Variants in NETO1 observed in about 807,000 individuals in gnomAD.
NETO1 encodes neuropilin and tolloid-like protein 1.
A neutral mutation model predicts 61.3 loss-of-function variants in NETO1; 26 were observed. The observed-to-expected ratio is 0.42, with a 90% CI of 0.31 to 0.59. The LOEUF (loss-of-function observed/expected upper bound fraction) is 0.59, where lower values mean the gene tolerates loss of function less well. Among genes scored for constraint, NETO1 ranks in the 20% least tolerant of loss-of-function variants. The pLI is 0.12. For synonymous variants in NETO1, 225 were observed against 225.8 expected (o/e 1.00, Z 0.03); for missense variants, 531 against 662.8 (o/e 0.80, Z 2.18).
At chr18:72,754,421 T>C (rs1000058084) in intron 8 of NETO1, among the ~76,000 whole-genome samples, 4 of 151,960 alleles carry the variant, frequency 2.6e-5, no homozygotes, top group Non-Finnish European at 5.9e-5. Flanking sequence ...GATACAAATA[T>C]AGACTGTCTA....
chr18:72,862,446 T>C (rs1490795674), intron 3 of NETO1, among the ~76,000 whole-genome samples: 1 of 152,186 alleles, frequency 6.6e-6, no homozygotes, highest in Non-Finnish European at 1.5e-5. Flanking sequence ...AGCATCTCCA[T>C]AAACACAAAC....
In NETO1 at chr18:72,783,266, T is replaced by G. The variant is rs531649723; in HGVS notation, c.868+412A>C. On this transcript the variant is annotated intron_variant, in intron 7 of 10. Coordinates refer to ENST00000327305, the MANE Select transcript of NETO1 (RefSeq NM_138966.5). The stretch of plus-strand genomic sequence containing the variant: ...TGGAACTCTGAAGTCAGAAACCTAT[T>G]TGAAATAAATGGGACTGCAAAAGAA... 2.6e-5 allele frequency among the ~76,000 whole-genome samples: 4 copies of G among 152,322 alleles called. No individual in the cohort carries two copies. The East Asian group carries it at 5.8e-4, about 22-fold the overall frequency.
chr18:72,843,280 A>G (rs184659393), intron 4 of NETO1, among the ~76,000 whole-genome samples: 1 of 152,300 alleles, frequency 6.6e-6, no homozygotes, highest in Admixed American at 6.5e-5. Flanking sequence ...ATCCTAGCAG[A>G]GAGAATCAAA....
chr18:72,863,848 T>C (rs1481426651), intron 3 of NETO1, among the ~76,000 whole-genome samples: 3 of 152,156 alleles, frequency 2.0e-5, no homozygotes, highest in Non-Finnish European at 2.9e-5. Context: ...TTTTAGGCTA[T>C]TTAGGTACTA....
intron 4 of NETO1, among the ~76,000 whole-genome samples, chr18:72,827,937 A>G (rs1379111675): frequency 6.6e-6 from 1 of 152,160 alleles, no homozygotes; most frequent in Non-Finnish European, 1.5e-5. Context: ...TTTTGGTCAG[A>G]TGTTATCTTT....
Position 72,830,336 on chromosome 18 carries a change from C to T in NETO1, c.469+28490G>A, listed in dbSNP as rs1039805459. ...GCCACACACTCAGCACCCTGGACAG[C>T]GTCCAAACCCCAGAAACGGGTTGGC... is the stretch of plus-strand genomic sequence containing the variant. On this transcript the variant is annotated intron_variant, in intron 4 of 10. Coordinates refer to ENST00000327305, the MANE Select transcript of NETO1 (RefSeq NM_138966.5). The surrounding 1 kb of genome is among the most constrained non-coding windows in gnomAD (Gnocchi z 4.9). 3.9e-5 allele frequency among the ~76,000 whole-genome samples: 6 copies of T among 152,074 alleles called. No individual in the cohort carries two copies. The highest frequency in any genetic ancestry group is 5.9e-5 in the Non-Finnish European group (4 of 68,018).
At position 72,827,090 on chromosome 18, in the gene NETO1, CT is replaced by C. The variant is rs75038247; in HGVS notation, c.469+31735del. On this transcript the variant is annotated intron_variant, in intron 4 of 10. Coordinates refer to ENST00000327305, the MANE Select transcript of NETO1 (RefSeq NM_138966.5). ...ACCGCCCAGCCATATTCAATGCTTTCTTTTTTTTTTTTTTCCAAATCCGTAA... is the reference window on the plus strand; with the variant it reads ...ACCGCCCAGCCATATTCAATGCTTTCTTTTTTTTTTTTTCCAAATCCGTAA... Among the ~76,000 whole-genome samples the C allele has an allele frequency of 1.4e-3, 197 of 142,718 alleles. 2 individuals carry two copies. The highest frequency in any genetic ancestry group is 3.6e-3 in the Middle Eastern group (1 of 274). 93.6% of individuals were successfully genotyped at this position (142,718 alleles called of 152,430 possible).
At chr18:72,763,198 A>G (rs550759305) in intron 7 of NETO1, among the ~76,000 whole-genome samples, 2 of 152,318 alleles carry the variant, frequency 1.3e-5, no homozygotes, top group South Asian at 4.1e-4. Context: ...ACATTGAAAT[A>G]AAAACAGGCA....
intron 4 of NETO1, among the ~76,000 whole-genome samples, chr18:72,829,420 A>C (rs536117421): frequency 6.7e-6 from 1 of 149,470 alleles, no homozygotes; most frequent in Non-Finnish European, 1.5e-5. Context: ...AATATACTCC[A>C]ATCAGTTATT....
Position 72,783,678 on chromosome 18 carries a change from G to T in NETO1, c.868C>A (p.Pro290Thr). The T allele has an allele frequency of 6.2e-7, 1 of 1,613,538 alleles. No individual in the cohort carries two copies. The highest frequency in any genetic ancestry group is 8.5e-7 in the Non-Finnish European group (1 of 1,179,474). The stretch of plus-strand genomic sequence containing the variant: ...AATAGTCAAGTGCAGAGAATCTTAC[G>T]TTCTTGAAAGGATGTGAAGAGCATC... The part of the protein sequence containing the change: ...FQMLFTSFQE[P>T]PCEGNTFFCH... Residue 290 changes from proline (P) to threonine (T), a missense_variant and splice_region_variant, in exon 7 of 11, where the codon CCT (proline) becomes ACT (threonine). Coordinates refer to ENST00000327305, the MANE Select transcript of NETO1 (RefSeq NM_138966.5).
intron 7 of NETO1, among the ~76,000 whole-genome samples, chr18:72,762,630 G>A (rs1404712037): frequency 1.3e-5 from 2 of 152,116 alleles, no homozygotes; most frequent in Non-Finnish European, 2.9e-5. Flanking sequence ...CAGGAAAATA[G>A]TTTTTACATA....
At chr18:72,865,775 G>A (rs2074716034) in intron 1 of NETO1, 2 of 1,300,586 alleles carry the variant, frequency 1.5e-6, no homozygotes, top group Admixed American at 5.2e-5. Context: ...GATTAATGTG[G>A]ATTGTGGGCA....
chr18:72,787,641 A>T (rs1007790452), intron 6 of NETO1, among the ~76,000 whole-genome samples: 1 of 152,214 alleles, frequency 6.6e-6, no homozygotes, highest in Non-Finnish European at 1.5e-5. Flanking sequence ...ATATCTCTCA[A>T]CAACAATAGA....
At chr18:72,797,005 C>G (rs2072338679) in intron 4 of NETO1, among the ~76,000 whole-genome samples, 2 of 152,126 alleles carry the variant, frequency 1.3e-5, no homozygotes, top group Admixed American at 1.3e-4. Context: ...TCTCATCAAG[C>G]AGTTCCATTG....
intron 4 of NETO1, among the ~76,000 whole-genome samples, chr18:72,807,570 TGATA>T (rs370048735): frequency 1.3e-4 from 20 of 152,322 alleles, no homozygotes; most frequent in Admixed American, 6.5e-4. Flanking sequence ...TGTTTACTTC[TGATA>T]GATAGTAACA....
intron 8 of NETO1, among the ~76,000 whole-genome samples, chr18:72,752,320 G>GAGCAATC (rs1183656732): frequency 6.6e-6 from 1 of 152,154 alleles, no homozygotes; most frequent in Non-Finnish European, 1.5e-5. Context: ...GCAATTGGTG[G>GAGCAATC]AGACTAACAA....
intron 4 of NETO1, among the ~76,000 whole-genome samples, chr18:72,853,759 A>AG (rs386388152): frequency 6.6e-6 from 1 of 151,716 alleles, no homozygotes; most frequent in Non-Finnish European, 1.5e-5. Context: ...GTCAAAAAAA[A>AG]AAAAAAGAAA....
intron 3 of NETO1, among the ~76,000 whole-genome samples, chr18:72,860,527 C>T (rs1599183407): frequency 2.0e-5 from 3 of 152,226 alleles, no homozygotes; most frequent in South Asian, 4.1e-4. Context: ...TAAATATCAA[C>T]AGTTTAAAGG....
At chr18:72,765,312 C>T (rs1275820212) in intron 7 of NETO1, among the ~76,000 whole-genome samples, 1 of 152,192 alleles carries the variant, frequency 6.6e-6, no homozygotes, top group African/African-American at 2.4e-5. Flanking sequence ...TTTGAGTTAA[C>T]TTATCTGTGC....
Sources: allele counts gnomAD v4.1 joint callset (sites outside exome capture counted in the v4.1 genomes callset), GRCh38; gene constraint gnomAD v4.1.1; non-coding constraint Gnocchi (gnomAD v3.1); transcripts MANE v1.5; gene names NCBI Gene and HGNC (gene_info 2026-07-23, HGNC 2026-07-21).